The following FADS6 variants were observed in gnomAD, a reference collection of about 807,000 sequenced individuals.
FADS6 encodes fatty acid desaturase domain family, member 6.
A neutral mutation model predicts 31.7 loss-of-function variants in FADS6; 28 were observed. The observed-to-expected ratio is 0.88, with a 90% CI of 0.66 to 1.21. The LOEUF is 1.21. Among genes scored for constraint, FADS6 ranks in the 50% most tolerant of loss-of-function variants. The pLI, the probability that FADS6 is intolerant of heterozygous loss-of-function variation, is 0.00. For missense variants in FADS6, 494 were observed against 504.2 expected (o/e 0.98, Z 0.19); for synonymous variants, 191 against 213.1 (o/e 0.90, Z 0.90).
chr17:74,882,844 C>T, intron 2 of FADS6, 134 bp from the exon 3 acceptor site: 6 of 1,521,234 alleles, frequency 3.9e-6, no homozygotes, highest in Non-Finnish European at 5.3e-6. Context: ...CCTTACAGCC[C>T]CAGCTAATCC....
chr17:74,889,870 C>CAAAAAAAAAAAA (rs59381032), intron 2 of FADS6, among the ~76,000 whole-genome samples: 13 of 53,526 alleles, frequency 2.4e-4, no homozygotes, highest in African/African-American at 8.3e-4. Flanking sequence ...GACTCAGTCT[C>CAAAAAAAAAAAA]AAAAAAAAAA....
At chr17:74,883,655 ATTTAT>A (rs947909111) in intron 2 of FADS6, among the ~76,000 whole-genome samples, 1 of 151,972 alleles carries the variant, frequency 6.6e-6, no homozygotes, top group African/African-American at 2.4e-5. Flanking sequence ...GAAAAAGATT[ATTTAT>A]TTTATTTTTA....
chr17:74,880,992 G>T, intron 4 of FADS6, 76 bp downstream of exon 4: 1 of 1,446,336 alleles, frequency 6.9e-7, no homozygotes, highest in Non-Finnish European at 9.3e-7. Context: ...CCTCAACCTA[G>T]AGTCCAGCCT....
chr17:74,877,493 C>T lies in FADS6; in HGVS notation c.*838G>A, dbSNP rs997559349. ...GGACTACAAGTGTATGCCACCACAT[C>T]CAGCTAATTTTTTGTATTTTTAGTA... On this transcript the variant is annotated 3_prime_UTR_variant, in exon 6 of 6. Coordinates refer to ENST00000612771, the MANE Select transcript of FADS6 (RefSeq NM_178128.6). 3 of 162,762 alleles carry T rather than the reference C, an allele frequency of 1.8e-5. No homozygotes were observed. Among genetic ancestry groups the T allele is most frequent in the African/African-American group, 7.2e-5 (3 of 41,584 alleles). 10.1% of individuals were successfully genotyped at this position (162,762 alleles called of 1,614,324 possible). A position where few individuals can be genotyped will look rare whatever the true frequency, so the allele number is the denominator to read the frequency against.
At position 74,893,381 on chromosome 17, in the gene FADS6, A is replaced by T. The variant is rs2038713511; in HGVS notation, c.215T>A (p.Leu72His). 7.8e-6 allele frequency: 12 copies of T among 1,532,328 alleles called. No individual in the cohort carries two copies. Among genetic ancestry groups the T allele is most frequent in the Non-Finnish European group, 9.6e-6 (11 of 1,141,960 alleles). The allele number at this position is 1,532,328 out of a possible 1,614,324, so 94.9% of individuals were successfully genotyped here. A position where few individuals can be genotyped will look rare whatever the true frequency, so the allele number is the denominator to read the frequency against. Residue 72 changes from leucine to histidine, a missense_variant, in exon 1 of 6, where the codon CTC becomes CAC. Physicochemically the swap from Leu to His is moderately conservative, Grantham distance 99. Coordinates refer to ENST00000612771, the MANE Select transcript of FADS6 (RefSeq NM_178128.6). The part of the protein sequence containing the change: ...WERHGVDCAI[L>H]ALSLFALPAG... ...CGGCAAGGCGAAGAGGCTGAGCGCG[A>T]GGATGGCGCAGTCCACGCCGTGGCG... is the stretch of plus-strand genomic sequence containing the variant.
intron 5 of FADS6, 156 bp downstream of exon 5, chr17:74,879,248 G>T: frequency 1.1e-6 from 1 of 883,240 alleles, no homozygotes; most frequent in Non-Finnish European, 1.7e-6. Flanking sequence ...TGTTGCCCAG[G>T]CTGCTCTCAA....
rs537297153 is a variant in FADS6 at position 74,893,368 on chromosome 17, G to A, written c.228C>T (p.Leu76=). 7 of 1,525,366 alleles carry A rather than the reference G, an allele frequency of 4.6e-6. No individual in the cohort carries two copies. Among genetic ancestry groups the A allele is most frequent in the Non-Finnish European group, 5.3e-6 (6 of 1,139,814 alleles). 94.5% of individuals were successfully genotyped at this position (1,525,366 alleles called of 1,614,324 possible). A position where few individuals can be genotyped will look rare whatever the true frequency, so the allele number is the denominator to read the frequency against. Reference sequence around the variant, plus strand: ...GTTCCTCACCTGCCGGCAAGGCGAAGAGGCTGAGCGCGAGGATGGCGCAGT... The same window carrying A: ...GTTCCTCACCTGCCGGCAAGGCGAAAAGGCTGAGCGCGAGGATGGCGCAGT... ...GVDCAILALS[L]FALPAGFLCL... The change falls in exon 1 of 6, where the codon CTC becomes CTT. Residue 76 remains leucine (L), a synonymous_variant. Transcript: ENST00000612771.
At chr17:74,890,339 C>T (rs2038676245) in intron 2 of FADS6, among the ~76,000 whole-genome samples, 2 of 152,228 alleles carry the variant, frequency 1.3e-5, no homozygotes. Flanking sequence ...ACTGGGGAGA[C>T]TGGTCTGCCC....
rs2038719927 is a variant in FADS6, at chr17:74,893,585, G to T, written c.11C>A (p.Thr4Lys). 7.0e-7 allele frequency: 1 copy of T among 1,432,014 alleles called. No homozygotes were observed. The highest frequency in any genetic ancestry group is 1.9e-4 in the Middle Eastern group (1 of 5,348). 88.7% of individuals were successfully genotyped at this position (1,432,014 alleles called of 1,614,324 possible). The part of the protein sequence containing the change: MEP[T>K]EPMEPTEPME... ...GGGCTCCGTAGGTTCCATCGGCTCCGTGGGTTCCATGGACTCTGTGGGCTC... is the reference window on the plus strand; with the variant it reads ...GGGCTCCGTAGGTTCCATCGGCTCCTTGGGTTCCATGGACTCTGTGGGCTC... The change falls in exon 1 of 6, where the codon ACG becomes AAG. Residue 4 changes from threonine to lysine, a missense_variant. Transcript: ENST00000612771.
At chr17:74,885,037 G>A (rs570068548) in intron 2 of FADS6, among the ~76,000 whole-genome samples, 6 of 152,058 alleles carry the variant, frequency 3.9e-5, no homozygotes, top group South Asian at 2.1e-4. Flanking sequence ...AGAACTCACC[G>A]TCACTCTCAC....
Position 74,881,752 on chromosome 17 carries a change from GA to G in FADS6, c.593-498del, listed in dbSNP as rs753080382. Among the ~76,000 whole-genome samples, 493 of 146,962 alleles carry G rather than the reference GA, an allele frequency of 3.4e-3. 1 individual carries two copies. Among genetic ancestry groups the G allele is most frequent in the Non-Finnish European group, 6.0e-3 (398 of 66,350 alleles). On this transcript the variant is annotated intron_variant, in intron 3 of 5. Transcript: ENST00000612771. ...ACTCTGAAAAAAAAAAAAAAAGAAA[GA>G]AAAGAAAAGAAAAAGAAACAAAGAA...
chr17:74,880,915 C>T (rs571372331), intron 4 of FADS6, among the ~76,000 whole-genome samples, 153 bp downstream of exon 4: 40 of 152,248 alleles, frequency 2.6e-4, no homozygotes, highest in Admixed American at 2.1e-3. Context: ...CTCTCCAGGA[C>T]GAGGCGAGGG....
chr17:74,876,342 T>A (rs186607909), downstream of FADS6, among the ~76,000 whole-genome samples: 1 of 152,286 alleles, frequency 6.6e-6, no homozygotes, highest in East Asian at 1.9e-4. Flanking sequence ...GCTCAGAGAA[T>A]GACTTGCATG....
chr17:74,877,146 A>C (rs900161472), downstream of FADS6, among the ~76,000 whole-genome samples: 2 of 151,356 alleles, frequency 1.3e-5, no homozygotes, highest in Non-Finnish European at 2.9e-5. Flanking sequence ...CTCTGAGGTC[A>C]TCCGTCCTCC....
chr17:74,885,307 A>G (rs1329022629), intron 2 of FADS6, among the ~76,000 whole-genome samples: 2 of 136,992 alleles, frequency 1.5e-5, no homozygotes, highest in African/African-American at 2.6e-5. Context: ...AACCACAAAA[A>G]AAAAAAATAA....
intron 2 of FADS6, among the ~76,000 whole-genome samples, chr17:74,888,148 ACACACACGCGCGCG>A (rs1254161592): frequency 6.1e-4 from 75 of 122,832 alleles, no homozygotes; most frequent in African/African-American, 9.7e-4. Context: ...ACACACACAC[ACACACACGCGCGCG>A]CGCGCGCGCG....
At chr17:74,880,440 T>C (rs973104364) in intron 4 of FADS6, among the ~76,000 whole-genome samples, 2 of 152,068 alleles carry the variant, frequency 1.3e-5, no homozygotes, top group Non-Finnish European at 2.9e-5. Flanking sequence ...CTGCAACCTC[T>C]GCCTCCCGGG....
intron 3 of FADS6, 102 bp downstream of exon 3, chr17:74,882,428 G>A: frequency 7.6e-7 from 1 of 1,319,698 alleles, no homozygotes; most frequent in Non-Finnish European, 1.0e-6. Context: ...GTATCTATCG[G>A]GCCTTCCTCT....
rs764226470 is a variant in FADS6 at position 74,879,484 on chromosome 17, AGTC to A, written c.877_879del (p.Asp293del). 17 of 1,613,820 alleles carry A rather than the reference AGTC, an allele frequency of 1.1e-5. No individual in the cohort carries two copies. Among genetic ancestry groups the A allele is most frequent in the Non-Finnish European group, 1.4e-5 (17 of 1,179,896 alleles). ...CTGATGATCGAGTGGCCGAACGCCC[AGTC>A]CAGCACGGGCAGCCGGGCCAGGTTA... On this transcript the variant is annotated inframe_deletion, in exon 5 of 6. Transcript: ENST00000612771.
Sources: allele counts gnomAD v4.1 joint callset (sites outside exome capture counted in the v4.1 genomes callset), GRCh38; gene constraint gnomAD v4.1.1; transcripts MANE v1.5; gene names NCBI Gene and HGNC (gene_info 2026-07-23, HGNC 2026-07-21).